Variants in STAB2 observed in about 807,000 individuals in gnomAD.
The protein encoded by STAB2 is stabilin-2.
A neutral mutation model predicts 338.1 loss-of-function variants in STAB2; 288 were observed. That is an observed-to-expected ratio of 0.85 (90% CI 0.77 to 0.94). STAB2 has a LOEUF of 0.94. Among genes scored for constraint, STAB2 ranks in the 40% least tolerant of loss-of-function variants. STAB2 has a pLI of 0.00. For synonymous variants in STAB2, 1,202 were observed against 1,193.3 expected (o/e 1.01, Z -0.15); for missense variants, 3,141 against 3,210.1 (o/e 0.98, Z 0.52).
intron 42 of STAB2, among the ~76,000 whole-genome samples, chr12:103,714,661 T>C (rs1314228399): frequency 6.7e-6 from 1 of 148,736 alleles, no homozygotes; most frequent in Non-Finnish European, 1.5e-5. Context: ...CACTCCAGCC[T>C]GGGCGATGGA....
chr12:103,608,708 A>C (rs1165295544), intron 3 of STAB2, among the ~76,000 whole-genome samples: 1 of 152,120 alleles, frequency 6.6e-6, no homozygotes, highest in Non-Finnish European at 1.5e-5. Flanking sequence ...CCATTTGTCA[A>C]TTTTGGCTTT....
intron 8 of STAB2, among the ~76,000 whole-genome samples, chr12:103,638,512 A>G (rs1352707533): frequency 6.6e-6 from 1 of 152,162 alleles, no homozygotes; most frequent in Non-Finnish European, 1.5e-5. Flanking sequence ...TAGATTAACA[A>G]ATTAACTGTT....
chr12:103,755,328 C>T lies in STAB2; in HGVS notation c.6741C>T (p.Gly2247=). 6.2e-7 allele frequency: 1 copy of T among 1,614,120 alleles called. No individual in the cohort carries two copies. Among genetic ancestry groups the T allele is most frequent in the East Asian group, 2.2e-5 (1 of 44,880 alleles). Residue 2247 remains glycine, a synonymous_variant, in exon 62 of 69, where the codon GGC becomes GGT. Coordinates refer to ENST00000388887, the MANE Select transcript of STAB2 (RefSeq NM_017564.10). ...CCAAGTACCACCTGTGCTCAGCAGG[C>T]TGGCTGGAGACCGGGCGGGTTGCCT... ...QKAKYHLCSA[G]WLETGRVAYP...
chr12:103,625,936 T>C (rs1957374659), intron 5 of STAB2, among the ~76,000 whole-genome samples: 1 of 152,188 alleles, frequency 6.6e-6, no homozygotes, highest in Non-Finnish European at 1.5e-5. Context: ...ATCGCCACAC[T>C]GACTTCCACA....
At chr12:103,647,445 C>T (rs1593179271) in intron 9 of STAB2, among the ~76,000 whole-genome samples, 1 of 152,168 alleles carries the variant, frequency 6.6e-6, no homozygotes, top group African/African-American at 2.4e-5. Flanking sequence ...CTTTTGTTCC[C>T]TGCATCTCTC....
chr12:103,677,024 G>A (rs575374859), intron 24 of STAB2, among the ~76,000 whole-genome samples: 2 of 152,258 alleles, frequency 1.3e-5, no homozygotes, highest in Admixed American at 6.5e-5. Flanking sequence ...CAGCCTCCTG[G>A]TGAGGCTCCT....
chr12:103,763,733 C>A (rs1462570723), intron 68 of STAB2, 125 bp downstream of exon 68: 1 of 963,274 alleles, frequency 1.0e-6, no homozygotes, highest in Non-Finnish European at 1.6e-6. Context: ...TGTCAGGTAA[C>A]AAGCCTAAAA....
intron 43 of STAB2, among the ~76,000 whole-genome samples, chr12:103,716,645 T>C (rs1880339835): frequency 6.6e-6 from 1 of 152,202 alleles, no homozygotes; most frequent in Admixed American, 6.5e-5. Flanking sequence ...AAAAATTGTC[T>C]TGAAAGAACT....
chr12:103,764,246 T>C (rs61602054), intron 68 of STAB2, among the ~76,000 whole-genome samples: 71,529 of 152,116 alleles, frequency 0.47, 17,802 homozygotes, highest in East Asian at 0.88. Flanking sequence ...AGCCACTGCA[T>C]CTGGCCTTAG....
chr12:103,694,779 A>G (rs1044610036), intron 31 of STAB2, among the ~76,000 whole-genome samples: 1 of 152,132 alleles, frequency 6.6e-6, no homozygotes, highest in African/African-American at 2.4e-5. Context: ...CAATCTGACA[A>G]AGTTCTAGGT....
At chr12:103,608,720 G>A (rs1364502500) in intron 3 of STAB2, among the ~76,000 whole-genome samples, 1 of 152,134 alleles carries the variant, frequency 6.6e-6, no homozygotes, top group Non-Finnish European at 1.5e-5. Context: ...TTTGGCTTTT[G>A]TTGCCATTGC....
At chr12:103,700,453 A>T (rs1259763855) in intron 34 of STAB2, among the ~76,000 whole-genome samples, 2 of 152,222 alleles carry the variant, frequency 1.3e-5, no homozygotes, top group Admixed American at 1.3e-4. Context: ...AATGGTTTTT[A>T]TCTGCTTATG....
In STAB2 at chr12:103,605,587, T is replaced by TA. The variant is rs542578198; in HGVS notation, c.331+11078dup. On this transcript the variant is annotated intron_variant, in intron 3 of 68. Coordinates refer to ENST00000388887, the MANE Select transcript of STAB2 (RefSeq NM_017564.10). The stretch of plus-strand genomic sequence containing the variant: ...TACTGAAATCTCTACTCTAACTGTA[T>TA]ATTTACCTATTTCTCCTTGCAGTTC... Among the ~76,000 whole-genome samples the TA allele has an allele frequency of 1.4e-4, 21 of 152,138 alleles. No individual in the cohort carries two copies. In the South Asian group the frequency reaches 4.4e-3, roughly 32 times the overall value.
At chr12:103,752,249 G>C (rs1883730476) in intron 60 of STAB2, among the ~76,000 whole-genome samples, 1 of 152,094 alleles carries the variant, frequency 6.6e-6, no homozygotes, top group South Asian at 2.1e-4. Context: ...CAAATTCATT[G>C]TAAGGTATTT....
intron 18 of STAB2, among the ~76,000 whole-genome samples, chr12:103,663,671 C>T (rs933123484): frequency 1.3e-5 from 2 of 152,134 alleles, no homozygotes; most frequent in African/African-American, 2.4e-5. Context: ...TTTATAAGGA[C>T]ATCGATCATT....
At chr12:103,633,779 C>A (rs1957502150) in intron 6 of STAB2, among the ~76,000 whole-genome samples, 1 of 152,138 alleles carries the variant, frequency 6.6e-6, no homozygotes, top group African/African-American at 2.4e-5. Context: ...TATTTGGAGT[C>A]CTGGAGGTTT....
intron 5 of STAB2, among the ~76,000 whole-genome samples, chr12:103,625,817 A>G (rs1294468727): frequency 6.6e-6 from 1 of 152,134 alleles, no homozygotes; most frequent in Non-Finnish European, 1.5e-5. Context: ...CGCAATAAAC[A>G]TGTGTGTGCA....
intron 3 of STAB2, among the ~76,000 whole-genome samples, chr12:103,616,389 T>G (rs769009254): frequency 6.6e-6 from 1 of 152,008 alleles, no homozygotes; most frequent in Non-Finnish European, 1.5e-5. Context: ...AAGTAAGGAA[T>G]GGAGAGAAAG....
chr12:103,693,067 C>T (rs1351481145), intron 31 of STAB2, among the ~76,000 whole-genome samples, 178 bp downstream of exon 31: 2 of 152,176 alleles, frequency 1.3e-5, no homozygotes, highest in East Asian at 3.9e-4. Context: ...TTCAATGAGA[C>T]TCAGTTTCCA....
Sources: gnomAD v4.1 joint callset for allele counts (sites outside exome capture counted in the v4.1 genomes callset) on GRCh38, gnomAD v4.1.1 for gene constraint, MANE v1.5 for transcripts, NCBI Gene and HGNC (gene_info 2026-07-23, HGNC 2026-07-21) for gene names.